The following SCHIP1 variants were observed in gnomAD, a reference collection of about 807,000 sequenced individuals.
SCHIP1 encodes the protein schwannomin interacting protein 1, also known as schwannomin-interacting protein 1.
Under a neutral mutation model 29.7 loss-of-function variants are expected in SCHIP1, and 8 were observed. That is an observed-to-expected ratio of 0.27 (90% confidence interval 0.16 to 0.49). The LOEUF (loss-of-function observed/expected upper bound fraction) is 0.49. SCHIP1 is among the 20% of genes least tolerant of loss of function. The probability of loss-of-function intolerance (pLI) is 0.99; values close to 1 mark genes in which losing one functional copy is unlikely to be tolerated. For missense variants in SCHIP1, 193 were observed against 294.6 expected (o/e 0.66, Z 2.52); for synonymous variants, 76 against 94.9 (o/e 0.80, Z 1.16).
chr3:159,539,551 T>A, the SCHIP1 span, among the ~76,000 whole-genome samples: 6 of 135,584 alleles, frequency 4.4e-5, 2 homozygotes, highest in African/African-American at 1.5e-4. Flanking sequence ...TTTCTGTCCC[T>A]TCCCCCTTCA....
chr3:159,674,395 C>T, the SCHIP1 span, among the ~76,000 whole-genome samples: 1 of 152,052 alleles, frequency 6.6e-6, no homozygotes, highest in South Asian at 2.1e-4. Context: ...GAGAGGGCAT[C>T]TGGACAGCCC....
In SCHIP1 at chr3:159,892,337, G is replaced by A. The variant is rs989642286; in HGVS notation, c.683+147G>A. The A allele has an allele frequency of 9.4e-6, 8 of 852,488 alleles. No individual in the cohort carries two copies. The African/African-American group carries it at 1.2e-4, about 13-fold the overall frequency. 52.8% of individuals were successfully genotyped at this position (852,488 alleles called of 1,614,324 possible). ...TTTTCTGGTGCCAGCTGTTCAGATG[G>A]AGGGGAAGCAGAATTCCATTGTCCT... On this transcript the variant is annotated intron_variant, in intron 6 of 6. Transcript: ENST00000445224.
chr3:159,459,149 C>G, the SCHIP1 span, among the ~76,000 whole-genome samples: 1 of 152,086 alleles, frequency 6.6e-6, no homozygotes, highest in Non-Finnish European at 1.5e-5. Flanking sequence ...TCTGCATACT[C>G]GGCACTCAAT....
chr3:159,771,525 A>T, the SCHIP1 span, among the ~76,000 whole-genome samples: 1 of 152,128 alleles, frequency 6.6e-6, no homozygotes, highest in East Asian at 1.9e-4. Context: ...GGTGAAATGT[A>T]TTCTGTGTTT....
At chr3:159,675,341 TAC>T in the SCHIP1 span, among the ~76,000 whole-genome samples, 1 of 152,334 alleles carries the variant, frequency 6.6e-6, no homozygotes, top group East Asian at 1.9e-4. Flanking sequence ...AAAATATAGC[TAC>T]AGATGTATTC....
chr3:159,389,343 A>C, the SCHIP1 span, among the ~76,000 whole-genome samples: 6 of 152,042 alleles, frequency 3.9e-5, no homozygotes, highest in African/African-American at 1.4e-4. Flanking sequence ...AAAGCATGTT[A>C]AAAATGTTCC....
At chr3:159,724,455 A>G in the SCHIP1 span, among the ~76,000 whole-genome samples, 5,293 of 152,264 alleles carry the variant, frequency 0.035, 127 homozygotes, top group Non-Finnish European at 0.056. Flanking sequence ...CAGGGCATTC[A>G]TAGAGACTTT....
the SCHIP1 span, among the ~76,000 whole-genome samples, chr3:159,386,004 G>A: frequency 6.6e-6 from 1 of 152,168 alleles, no homozygotes; most frequent in Non-Finnish European, 1.5e-5. Context: ...TTTTATCCAT[G>A]TCCCTGCAAA....
chr3:159,589,648 T>C, the SCHIP1 span, among the ~76,000 whole-genome samples: 1 of 152,198 alleles, frequency 6.6e-6, no homozygotes, highest in African/African-American at 2.4e-5. Context: ...ACATGTGTAC[T>C]AAGCGTTCTG....
At chr3:159,644,371 G>T in the SCHIP1 span, among the ~76,000 whole-genome samples, 1 of 151,996 alleles carries the variant, frequency 6.6e-6, no homozygotes, top group Non-Finnish European at 1.5e-5. Context: ...TCACTGATCA[G>T]GAACTATGTA....
At chr3:159,562,210 T>G in the SCHIP1 span, among the ~76,000 whole-genome samples, 628 of 152,340 alleles carry the variant, frequency 4.1e-3, 7 homozygotes, top group African/African-American at 0.014. Context: ...CTTGGATTAT[T>G]TACTTCCTCT....
At chr3:159,351,055 A>G in the SCHIP1 span, among the ~76,000 whole-genome samples, 7 of 152,230 alleles carry the variant, frequency 4.6e-5, no homozygotes, top group African/African-American at 1.7e-4. Context: ...TCTCTGGGTA[A>G]GAAAAGCATC....
chr3:159,439,137 A>G, the SCHIP1 span, among the ~76,000 whole-genome samples: 4 of 152,154 alleles, frequency 2.6e-5, no homozygotes, highest in East Asian at 3.9e-4. Context: ...TTTCTGCACA[A>G]CCTCACCAAT....
chr3:159,835,004 C>T (rs529924317), upstream of SCHIP1, among the ~76,000 whole-genome samples: 12 of 152,206 alleles, frequency 7.9e-5, no homozygotes, highest in East Asian at 9.6e-4. Context: ...ACCTAGTTTC[C>T]CTGATATCCA....
the SCHIP1 span, among the ~76,000 whole-genome samples, chr3:159,523,901 A>T: frequency 6.6e-6 from 1 of 152,370 alleles, no homozygotes; most frequent in South Asian, 2.1e-4. Context: ...TCAAATTCAG[A>T]ACTGCATTTC....
At chr3:159,799,392 A>T in the SCHIP1 span, among the ~76,000 whole-genome samples, 989 of 152,372 alleles carry the variant, frequency 6.5e-3, 16 homozygotes, top group African/African-American at 0.023. Flanking sequence ...CATCTGTGAA[A>T]TAATGAAGTA....
chr3:159,512,989 A>G, the SCHIP1 span, among the ~76,000 whole-genome samples: 7 of 152,226 alleles, frequency 4.6e-5, no homozygotes, highest in East Asian at 1.9e-4. Context: ...AAAATACAGC[A>G]GGTGAATGGA....
chr3:159,391,812 C>T, the SCHIP1 span, among the ~76,000 whole-genome samples: 1 of 152,178 alleles, frequency 6.6e-6, no homozygotes, highest in Admixed American at 6.5e-5. Context: ...CTATACTTTA[C>T]AGATGGAGCA....
the SCHIP1 span, among the ~76,000 whole-genome samples, chr3:159,669,949 CAGT>C: frequency 6.6e-6 from 1 of 152,146 alleles, no homozygotes; most frequent in African/African-American, 2.4e-5. Context: ...CTGCGTGAGT[CAGT>C]GTCTATTGTA....
Sources: allele counts gnomAD v4.1 joint callset (sites outside exome capture counted in the v4.1 genomes callset), GRCh38; gene constraint gnomAD v4.1.1; transcripts MANE v1.5; gene names NCBI Gene and HGNC (gene_info 2026-07-23, HGNC 2026-07-21).